Variants in SLC5A11 observed in about 807,000 individuals in gnomAD.
SLC5A11 encodes the protein sodium/myo-inositol cotransporter 2.
SLC5A11 carries 48 observed loss-of-function variants against 69.8 expected under a neutral mutation model. That is an observed-to-expected ratio of 0.69 (90% CI 0.55 to 0.87). SLC5A11 has a LOEUF of 0.87. Ranked by LOEUF, SLC5A11 falls within the 40% of genes least tolerant of loss-of-function variation. The probability of loss-of-function intolerance (pLI) is 0.00; values close to 1 mark genes in which losing one functional copy is unlikely to be tolerated. For missense variants in SLC5A11, 784 were observed against 866.1 expected (o/e 0.91, Z 1.19); for synonymous variants, 319 against 342.4 (o/e 0.93, Z 0.75).
intron 9 of SLC5A11, among the ~76,000 whole-genome samples, chr16:24,896,942 CTTTTTTTTT>C (rs869210839): frequency 1.2e-4 from 12 of 97,092 alleles, no homozygotes; most frequent in African/African-American, 4.0e-4. Flanking sequence ...AACCTCCTTC[CTTTTTTTTT>C]TTTTTTTTTT....
chr16:24,857,898 T>G (rs1177932239), intron 1 of SLC5A11, among the ~76,000 whole-genome samples: 1 of 152,214 alleles, frequency 6.6e-6, no homozygotes, highest in East Asian at 1.9e-4. Flanking sequence ...TACCACAAGA[T>G]TTCCTTAAAT....
chr16:24,882,894 C>A (rs533678702), intron 7 of SLC5A11, among the ~76,000 whole-genome samples: 2 of 152,258 alleles, frequency 1.3e-5, no homozygotes, highest in East Asian at 3.9e-4. Flanking sequence ...GATCTGTCTG[C>A]CTCAGCCTCC....
intron 8 of SLC5A11, among the ~76,000 whole-genome samples, chr16:24,887,176 C>T (rs36083452): frequency 0.39 from 59,281 of 151,918 alleles, 12,854 homozygotes; most frequent in Non-Finnish European, 0.49. Context: ...TATTCTGAAC[C>T]ATGCAAAGAC....
At chr16:24,909,192 C>T in intron 14 of SLC5A11, 96 bp downstream of exon 15, 2 of 1,324,966 alleles carry the variant, frequency 1.5e-6, no homozygotes, top group Non-Finnish European at 2.1e-6. Flanking sequence ...ACTGATTGTC[C>T]AAAAAGCTGA....
chr16:24,892,461 G>A (rs1228829791), intron 9 of SLC5A11, among the ~76,000 whole-genome samples: 5 of 141,370 alleles, frequency 3.5e-5, no homozygotes, highest in Admixed American at 7.3e-5. Flanking sequence ...AAAAAAAAAG[G>A]AGAATAGAAT....
At chr16:24,849,593 A>AAAAAATAT in intron 1 of SLC5A11, among the ~76,000 whole-genome samples, 20 of 35,900 alleles carry the variant, frequency 5.6e-4, no homozygotes, top group African/African-American at 1.8e-3. Flanking sequence ...AAAAAAAAAA[A>AAAAAATAT]ATATATATAT....
intron 8 of SLC5A11, 147 bp downstream of exon 9, chr16:24,884,278 C>A: frequency 2.9e-6 from 2 of 692,006 alleles, no homozygotes; most frequent in East Asian, 2.6e-5. Context: ...GCTTGAGGCA[C>A]GGTTATTTTA....
In SLC5A11 at chr16:24,903,512, C is replaced by T. The variant is rs552712858; in HGVS notation, c.1007-3145C>T. ...CTTTGGCTACCCTCCTCCCCACTACCCTTCCCAGCCTCTAGAAACCACTAT... is the reference window on the plus strand; with the variant it reads ...CTTTGGCTACCCTCCTCCCCACTACTCTTCCCAGCCTCTAGAAACCACTAT... On this transcript the variant is annotated intron_variant, in intron 10 of 15. Coordinates refer to ENST00000347898, the Ensembl canonical transcript of SLC5A11. Among the ~76,000 whole-genome samples the T allele has an allele frequency of 2.0e-5, 3 of 152,266 alleles. No homozygotes were observed. The East Asian group carries it at 5.8e-4, about 29-fold the overall frequency.
chr16:24,853,680 T>G (rs1443891763), intron 1 of SLC5A11, among the ~76,000 whole-genome samples: 1 of 152,232 alleles, frequency 6.6e-6, no homozygotes, highest in Non-Finnish European at 1.5e-5. Context: ...GACTGCGGCC[T>G]AGAAGCAAGC....
intron 10 of SLC5A11, among the ~76,000 whole-genome samples, chr16:24,906,439 C>T (rs140749466): frequency 6.7e-4 from 102 of 152,002 alleles, no homozygotes; most frequent in Non-Finnish European, 1.2e-3. Context: ...TTTTCCAGCA[C>T]TTCCTATAAA....
intron 7 of SLC5A11, among the ~76,000 whole-genome samples, chr16:24,878,770 C>T (rs953918565): frequency 3.9e-5 from 6 of 152,106 alleles, no homozygotes; most frequent in Non-Finnish European, 7.4e-5. Flanking sequence ...TGGTGGCTCA[C>T]GTGTGTAATC....
chr16:24,904,003 C>T (rs942662463), intron 10 of SLC5A11, among the ~76,000 whole-genome samples: 1 of 152,104 alleles, frequency 6.6e-6, no homozygotes, highest in Non-Finnish European at 1.5e-5. Context: ...TGGTGGAAGG[C>T]GAAGGGGAAG....
chr16:24,883,163 G>A (rs780056496), intron 7 of SLC5A11, among the ~76,000 whole-genome samples: 3 of 152,072 alleles, frequency 2.0e-5, no homozygotes, highest in Admixed American at 6.6e-5. Context: ...CCAGGAGTTC[G>A]GGCCCACCCT....
chr16:24,849,593 A>AAAAAAAAAAAAAAAAT, intron 1 of SLC5A11, among the ~76,000 whole-genome samples: 5 of 35,910 alleles, frequency 1.4e-4, no homozygotes, highest in African/African-American at 1.8e-4. Context: ...AAAAAAAAAA[A>AAAAAAAAAAAAAAAAT]ATATATATAT....
intron 7 of SLC5A11, among the ~76,000 whole-genome samples, 168 bp from the exon 9 acceptor site, chr16:24,883,883 T>C (rs959951434): frequency 2.0e-5 from 3 of 152,202 alleles, no homozygotes; most frequent in African/African-American, 7.2e-5. Context: ...CAAAGTCACA[T>C]TGCAAAATGG....
intron 8 of SLC5A11, among the ~76,000 whole-genome samples, chr16:24,885,522 C>T (rs1224747796): frequency 6.6e-6 from 1 of 151,964 alleles, no homozygotes; most frequent in African/African-American, 2.4e-5. Context: ...GTGGCATGTG[C>T]CTGTAGTCCC....
At chr16:24,893,548 C>CT (rs946945916) in intron 9 of SLC5A11, among the ~76,000 whole-genome samples, 1 of 151,188 alleles carries the variant, frequency 6.6e-6, no homozygotes, top group Admixed American at 6.6e-5. Context: ...TTCTGAACTT[C>CT]TTTTTTATTA....
intron 1 of SLC5A11, among the ~76,000 whole-genome samples, chr16:24,849,589 AAAAAATAT>A (rs1213810229): frequency 1.2e-3 from 74 of 63,770 alleles, no homozygotes; most frequent in African/African-American, 3.5e-3. Flanking sequence ...AAAAAAAAAA[AAAAAATAT>A]ATATATATAT....
intron 5 of SLC5A11, among the ~76,000 whole-genome samples, chr16:24,874,547 T>C (rs543761627): frequency 2.6e-4 from 39 of 152,300 alleles, no homozygotes; most frequent in African/African-American, 8.9e-4. Context: ...GCATGTGTAG[T>C]GATATCTCAC....
Sources: allele counts gnomAD v4.1 joint callset (sites outside exome capture counted in the v4.1 genomes callset), GRCh38; gene constraint gnomAD v4.1.1; transcripts MANE v1.5; gene names NCBI Gene and HGNC (gene_info 2026-07-23, HGNC 2026-07-21).